RNF38: variants seen among roughly 807,000 people sequenced by gnomAD.
RNF38 encodes ring finger protein 38, also known as E3 ubiquitin-protein ligase RNF38.
RNF38 carries 15 observed loss-of-function variants against 67.2 expected under a neutral mutation model. The observed-to-expected ratio is 0.22, with a 90% confidence interval of 0.15 to 0.34. The LOEUF is 0.34. RNF38 is among the 10% of genes least tolerant of loss of function. The pLI is 1.00. For synonymous variants in RNF38, 220 were observed against 218.8 expected (o/e 1.01, Z -0.05); for missense variants, 524 against 639.9 (o/e 0.82, Z 1.95).
chr9:36,422,851 A>T (rs2134237354), intron 2 of RNF38, among the ~76,000 whole-genome samples: 1 of 152,368 alleles, frequency 6.6e-6, no homozygotes, highest in South Asian at 2.1e-4. Flanking sequence ...TTAATAAATT[A>T]GAAAACAAAA....
intron 1 of RNF38, among the ~76,000 whole-genome samples, chr9:36,435,342 T>C (rs1839038575): frequency 6.6e-6 from 1 of 152,190 alleles, no homozygotes; most frequent in Non-Finnish European, 1.5e-5. Flanking sequence ...TAAAGATACT[T>C]GAGGTTGCCA....
At chr9:36,481,016 C>CTTT (rs1160092271) in intron 1 of RNF38, among the ~76,000 whole-genome samples, 3 of 136,192 alleles carry the variant, frequency 2.2e-5, no homozygotes, top group Non-Finnish European at 3.2e-5. Flanking sequence ...TCTTCTCTTT[C>CTTT]TTTTTTTTTT....
At chr9:36,368,415 C>G (rs1188654449) in intron 4 of RNF38, among the ~76,000 whole-genome samples, 3 of 152,128 alleles carry the variant, frequency 2.0e-5, no homozygotes, top group Non-Finnish European at 4.4e-5. Context: ...ACCCTACAAG[C>G]CTAGTATGTA....
intron 1 of RNF38, among the ~76,000 whole-genome samples, chr9:36,439,164 T>G (rs1394282952): frequency 6.6e-6 from 1 of 152,206 alleles, no homozygotes; most frequent in Non-Finnish European, 1.5e-5. Context: ...TCTAGCTAAT[T>G]CTAACATCAC....
At chr9:36,392,493 T>C (rs1336551008) in intron 1 of RNF38, among the ~76,000 whole-genome samples, 1 of 152,126 alleles carries the variant, frequency 6.6e-6, no homozygotes. Context: ...TCTCAACCCT[T>C]TGGGAGGCCC....
chr9:36,339,494 G>A lies in RNF38; in HGVS notation c.*258C>T. 2.3e-6 allele frequency: 1 copy of A among 437,832 alleles called. No individual in the cohort carries two copies. Among genetic ancestry groups the A allele is most frequent in the South Asian group, 4.3e-5 (1 of 23,160 alleles). 27.1% of individuals were successfully genotyped at this position (437,832 alleles called of 1,614,324 possible). ...CTCGGAATGATCACACAAAAACCAG[G>A]GAATGTTAGTGCACACACAAAATTA... On this transcript the variant is annotated 3_prime_UTR_variant, in exon 12 of 12. Coordinates refer to ENST00000259605, the MANE Select transcript of RNF38 (RefSeq NM_022781.5).
At chr9:36,459,223 A>G (rs893390588) in intron 1 of RNF38, among the ~76,000 whole-genome samples, 4 of 151,238 alleles carry the variant, frequency 2.6e-5, no homozygotes, top group African/African-American at 9.8e-5. Context: ...AAAAAAAAAG[A>G]AAGATAAAGA....
At position 36,436,792 on chromosome 9, in the gene RNF38, A is replaced by G. The variant is rs1323331295; in HGVS notation, n.242-12109T>C. 4.1e-5 allele frequency among the ~76,000 whole-genome samples: 6 copies of G among 144,854 alleles called. No homozygotes were observed. The Admixed American group carries it at 4.4e-4, about 11-fold the overall frequency. On this transcript the variant is annotated intron_variant and non_coding_transcript_variant, in intron 1 of 3. Transcript: ENST00000488058. ...AGCCCAGATAGCACCACTGCACTCC[A>G]GCACGGGCGACAGAGCGAGACTCCT...
chr9:36,428,356 T>C (rs533860319), intron 1 of RNF38, among the ~76,000 whole-genome samples: 2 of 149,018 alleles, frequency 1.3e-5, no homozygotes, highest in African/African-American at 5.0e-5. Context: ...GAGGTTGCAG[T>C]GGGATGAGAT....
chr9:36,365,455 C>G (rs940130536), intron 4 of RNF38, among the ~76,000 whole-genome samples: 2 of 151,938 alleles, frequency 1.3e-5, no homozygotes, highest in African/African-American at 4.8e-5. Flanking sequence ...GTAATCCCAG[C>G]TACTCAGGAG....
intron 2 of RNF38, among the ~76,000 whole-genome samples, chr9:36,417,070 A>G (rs1008428904): frequency 3.3e-5 from 5 of 152,008 alleles, no homozygotes; most frequent in African/African-American, 4.8e-5. Context: ...CCTTGCATCA[A>G]CTTTTATATT....
At chr9:36,487,093 G>T (rs111853442) in intron 1 of RNF38, among the ~76,000 whole-genome samples, 3 of 152,174 alleles carry the variant, frequency 2.0e-5, no homozygotes, top group South Asian at 4.1e-4. Context: ...GCACACCCTG[G>T]GGGAGGGGGC....
intron 1 of RNF38, among the ~76,000 whole-genome samples, chr9:36,478,319 G>C (rs1840168836): frequency 6.7e-6 from 1 of 150,008 alleles, no homozygotes; most frequent in African/African-American, 2.5e-5. Flanking sequence ...CAGGAGAATG[G>C]CGTGAACCTG....
intron 1 of RNF38, among the ~76,000 whole-genome samples, chr9:36,479,065 T>C: frequency 6.6e-6 from 1 of 152,174 alleles, no homozygotes; most frequent in East Asian, 1.9e-4. Flanking sequence ...CTGAAATGTA[T>C]TCACTTAAAC....
chr9:36,469,554 G>A (rs573508444), intron 1 of RNF38, among the ~76,000 whole-genome samples: 7 of 152,018 alleles, frequency 4.6e-5, no homozygotes, highest in African/African-American at 1.4e-4. Flanking sequence ...CCAGCTACTC[G>A]GGAGGCTGAG....
At chr9:36,366,040 GAATTTCAAAT>G (rs1834931782) in intron 4 of RNF38, among the ~76,000 whole-genome samples, 1 of 151,944 alleles carries the variant, frequency 6.6e-6, no homozygotes, top group South Asian at 2.1e-4. Flanking sequence ...TTATTACAGA[GAATTTCAAAT>G]ATGTTCAAAA....
chr9:36,406,500 A>G (rs1212356922), intron 2 of RNF38, among the ~76,000 whole-genome samples: 3 of 152,252 alleles, frequency 2.0e-5, no homozygotes, highest in East Asian at 1.9e-4. Flanking sequence ...GTGTTCTAAA[A>G]TAGCATTAAT....
chr9:36,474,108 T>C (rs1348673713), intron 1 of RNF38, among the ~76,000 whole-genome samples: 1 of 150,398 alleles, frequency 6.6e-6, no homozygotes, highest in Non-Finnish European at 1.5e-5. Flanking sequence ...GGTCAGGAGA[T>C]TGAGACCATC....
intron 2 of RNF38, among the ~76,000 whole-genome samples, chr9:36,414,535 A>C (rs966888026): frequency 2.0e-5 from 3 of 151,994 alleles, no homozygotes; most frequent in Non-Finnish European, 4.4e-5. Flanking sequence ...AAATACAAAA[A>C]ATTAGCCGGG....
Sources: allele counts gnomAD v4.1 joint callset (sites outside exome capture counted in the v4.1 genomes callset), GRCh38; gene constraint gnomAD v4.1.1; transcripts MANE v1.5; gene names NCBI Gene and HGNC (gene_info 2026-07-23, HGNC 2026-07-21).